The following TLN2 variants were observed in gnomAD, a reference collection of about 807,000 sequenced individuals.
The protein encoded by TLN2 is talin 2, also known as talin-2.
In TLN2, 118 loss-of-function variants were observed where a neutral mutation model predicts 294.7. The observed-to-expected ratio is 0.40, with a 90% confidence interval of 0.34 to 0.47. TLN2 has a LOEUF of 0.47. TLN2 is among the 20% of genes least tolerant of loss of function. TLN2 has a pLI of 0.84. For synonymous variants in TLN2, 1,431 were observed against 1,304.5 expected (o/e 1.10, Z -2.09); for missense variants, 3,083 against 3,282.2 (o/e 0.94, Z 1.48).
chr15:62,634,714 C>T (rs1229477253), intron 3 of TLN2, among the ~76,000 whole-genome samples: 1 of 152,218 alleles, frequency 6.6e-6, no homozygotes. Flanking sequence ...GATACTTCAT[C>T]AGCATACTTC....
intron 37 of TLN2, among the ~76,000 whole-genome samples, chr15:62,760,986 T>C (rs777660396): frequency 7.7e-4 from 118 of 152,268 alleles, no homozygotes; most frequent in Middle Eastern, 3.4e-3. Flanking sequence ...TCTAACACCC[T>C]AGATTAGGAG....
intron 2 of TLN2, among the ~76,000 whole-genome samples, chr15:62,596,539 A>C (rs910380290): frequency 3.9e-5 from 6 of 152,108 alleles, no homozygotes; most frequent in African/African-American, 1.4e-4. Context: ...GGAGTTCGAG[A>C]CCAGCCTGGC....
chr15:62,820,668 T>G (rs567556559), intron 54 of TLN2, 58 bp downstream of exon 54: 2 of 1,581,974 alleles, frequency 1.3e-6, no homozygotes, highest in South Asian at 1.2e-5. Context: ...AGTGGGTGGC[T>G]GTGAAATGGA....
At chr15:62,522,019 ATAAAGAGGCGTG>A (rs1441522182) in intron 1 of TLN2, among the ~76,000 whole-genome samples, 7 of 152,298 alleles carry the variant, frequency 4.6e-5, no homozygotes, top group African/African-American at 1.7e-4. Flanking sequence ...GGGAGCTGGT[ATAAAGAGGCGTG>A]TCCAACTTCC....
chr15:62,701,479 C>T (rs1349068331), intron 17 of TLN2, among the ~76,000 whole-genome samples: 6 of 152,084 alleles, frequency 3.9e-5, no homozygotes, highest in South Asian at 2.1e-4. Context: ...GTCAGTGTGC[C>T]GGACATACTG....
intron 21 of TLN2, among the ~76,000 whole-genome samples, chr15:62,711,272 C>T (rs1439906283): frequency 6.6e-6 from 1 of 152,136 alleles, no homozygotes; most frequent in East Asian, 1.9e-4. Context: ...TCAGTAAAAT[C>T]ACAGGGACAA....
chr15:62,779,877 T>G (rs566762069), intron 43 of TLN2, among the ~76,000 whole-genome samples: 1 of 152,378 alleles, frequency 6.6e-6, no homozygotes, highest in Admixed American at 6.5e-5. Flanking sequence ...ACATCACGCA[T>G]AGGCCACAGT....
At chr15:62,734,142 T>G (rs1180670741) in intron 28 of TLN2, 1 of 152,220 alleles carries the variant, frequency 6.6e-6, no homozygotes, top group African/African-American at 2.4e-5. Flanking sequence ...TTCTTGGAAT[T>G]TAGCTCTTCG....
rs536533337 is a variant in TLN2, at chr15:62,532,316, C to T, written c.-237-57371C>T. Among the ~76,000 whole-genome samples, 47 of 152,202 alleles carry T rather than the reference C, an allele frequency of 3.1e-4. 1 individual carries two copies. In the South Asian group the frequency reaches 8.1e-3, roughly 26 times the overall value. The stretch of plus-strand genomic sequence containing the variant: ...CTTGCTATGTTGCCCAGGCTAGTCT[C>T]GAACTCCTGGCTTCAAGCAATCTGC... On this transcript the variant is annotated intron_variant, in intron 1 of 58. Transcript: ENST00000636159.
Position 62,799,165 on chromosome 15 carries a change from C to A in TLN2, c.6235-1203C>A, listed in dbSNP as rs1367868563. Among the ~76,000 whole-genome samples the A allele has an allele frequency of 3.3e-5, 5 of 152,148 alleles. No individual in the cohort carries two copies. In the East Asian group the frequency reaches 7.7e-4, roughly 23 times the overall value. On this transcript the variant is annotated intron_variant, in intron 48 of 58. Coordinates refer to ENST00000636159, the MANE Select transcript of TLN2 (RefSeq NM_015059.3). ...CGCAGTGTGGAGGTTAAGACCGTGG[C>A]CCTCATGCTCACCAGACTCTGAATC...
At chr15:62,514,508 T>C (rs938776605) in intron 1 of TLN2, among the ~76,000 whole-genome samples, 2 of 152,216 alleles carry the variant, frequency 1.3e-5, no homozygotes, top group African/African-American at 4.8e-5. Flanking sequence ...TGGTAATTAA[T>C]TCACAGTGGT....
intron 1 of TLN2, among the ~76,000 whole-genome samples, chr15:62,506,654 C>A (rs955540737): frequency 6.6e-6 from 1 of 152,206 alleles, no homozygotes; most frequent in Non-Finnish European, 1.5e-5. Context: ...GTCTTCTGAC[C>A]TTTCCCTAGG....
intron 1 of TLN2, among the ~76,000 whole-genome samples, chr15:62,554,061 A>G (rs1369799915): frequency 6.6e-6 from 1 of 151,954 alleles, no homozygotes; most frequent in Non-Finnish European, 1.5e-5. Flanking sequence ...TCAGGTAGAT[A>G]AGTAGTTAAT....
At chr15:62,627,276 G>A (rs1313423258) in intron 3 of TLN2, among the ~76,000 whole-genome samples, 1 of 152,142 alleles carries the variant, frequency 6.6e-6, no homozygotes, top group Non-Finnish European at 1.5e-5. Flanking sequence ...CTATATTGTT[G>A]TGCCTTTTGG....
intron 43 of TLN2, 134 bp from the exon 44 acceptor site, chr15:62,781,006 G>T (rs2064117070): frequency 1.5e-6 from 1 of 645,396 alleles, no homozygotes; most frequent in Non-Finnish European, 2.7e-6. Context: ...GCACAAGTTG[G>T]GTAATTGAGT....
At chr15:62,471,767 G>A (rs1001817911) in intron 1 of TLN2, among the ~76,000 whole-genome samples, 1 of 152,094 alleles carries the variant, frequency 6.6e-6, no homozygotes, top group South Asian at 2.1e-4. Context: ...TTTCACATTC[G>A]GGTTTGAAAA....
intron 3 of TLN2, among the ~76,000 whole-genome samples, chr15:62,626,239 C>A (rs148084374): frequency 1.8e-3 from 268 of 152,260 alleles, no homozygotes; most frequent in African/African-American, 6.1e-3. Context: ...CTTGTATTTT[C>A]TGGAGTTGTG....
chr15:62,839,028 T>C (rs1227427864), intron 58 of TLN2, 47 bp downstream of exon 58: 1 of 1,587,032 alleles, frequency 6.3e-7, no homozygotes, highest in Admixed American at 1.7e-5. Flanking sequence ...AGAGAGGTGT[T>C]GGGTTATAAC....
chr15:62,417,449 G>A (rs574316247), intron 1 of TLN2, among the ~76,000 whole-genome samples: 14 of 152,228 alleles, frequency 9.2e-5, no homozygotes, highest in South Asian at 2.1e-4. Flanking sequence ...TTGCTTTACT[G>A]TGTCCTCATT....
Sources: gnomAD v4.1 joint callset for allele counts (sites outside exome capture counted in the v4.1 genomes callset) on GRCh38, gnomAD v4.1.1 for gene constraint, MANE v1.5 for transcripts, NCBI Gene and HGNC (gene_info 2026-07-23, HGNC 2026-07-21) for gene names.